Variants in TAGLN observed in about 807,000 individuals in gnomAD.
The protein encoded by TAGLN is 22 kDa actin-binding protein.
A neutral mutation model predicts 21.9 loss-of-function variants in TAGLN; 16 were observed. That is an observed-to-expected ratio of 0.73 (90% CI 0.49 to 1.11). TAGLN has a LOEUF of 1.11. TAGLN is among the 50% of genes least tolerant of loss of function. The probability of loss-of-function intolerance (pLI) is 0.00; values close to 1 mark genes in which losing one functional copy is unlikely to be tolerated. For missense variants in TAGLN, 248 were observed against 263.2 expected, an observed-to-expected ratio of 0.94 and a Z score of 0.40; for synonymous variants, 96 against 94.9, an observed-to-expected ratio of 1.01 and a Z score of -0.06.
intron 1 of TAGLN, chr11:117,202,800 AC>A: frequency 2.3e-6 from 1 of 441,038 alleles, no homozygotes; most frequent in Non-Finnish European, 4.0e-6. Context: ...ACCTCCAAAG[AC>A]CTGGTATCCT....
At chr11:117,204,056 C>T (rs2134272982) in intron 4 of TAGLN, 159 bp from the exon 5 acceptor site, 3 of 1,181,774 alleles carry the variant, frequency 2.5e-6, no homozygotes, top group African/African-American at 1.5e-5. Context: ...TTCCACCCTC[C>T]TGCGCTCAGT....
In TAGLN at chr11:117,206,482, C is replaced by T. The variant is rs2031405630; in HGVS notation, c.*2123C>T. On this transcript the variant is annotated 3_prime_UTR_variant, in exon 5 of 5. Coordinates refer to ENST00000392951, the MANE Select transcript of TAGLN (RefSeq NM_003186.5). ...GACTGCCTTTTTCACCCAAACTGTT[C>T]CCTCTGCCCCCTCCCCCGACAAGGC... 1.5e-5 allele frequency: 18 copies of T among 1,214,326 alleles called. No individual in the cohort carries two copies. The highest frequency in any genetic ancestry group is 2.0e-5 in the Non-Finnish European group (18 of 885,898). 75.2% of individuals were successfully genotyped at this position (1,214,326 alleles called of 1,614,324 possible). A position where few individuals can be genotyped will look rare whatever the true frequency, so the allele number is the denominator to read the frequency against.
chr11:117,205,397 C>T lies in TAGLN; in HGVS notation c.*1038C>T, dbSNP rs762380701. 1.0e-4 allele frequency: 24 copies of T among 233,402 alleles called. No individual in the cohort carries two copies. The highest frequency in any genetic ancestry group is 1.6e-4 in the Non-Finnish European group (19 of 118,000). 14.5% of individuals were successfully genotyped at this position (233,402 alleles called of 1,614,324 possible). A position where few individuals can be genotyped will look rare whatever the true frequency, so the allele number is the denominator to read the frequency against. On this transcript the variant is annotated 3_prime_UTR_variant, in exon 5 of 5. Coordinates refer to ENST00000392951, the MANE Select transcript of TAGLN (RefSeq NM_003186.5). Reference sequence around the variant, plus strand: ...CCTGCCGCAGGATTCCCTAGTGAAGCAGCTCAGGCCTGGGGGAGCCGTGTG... The same window carrying T: ...CCTGCCGCAGGATTCCCTAGTGAAGTAGCTCAGGCCTGGGGGAGCCGTGTG...
Position 117,203,887 on chromosome 11 carries a change from A to G in TAGLN, c.461+3A>G. Reference sequence around the variant, plus strand: ...GGAGATCCCAACTGGTTTATGAAGTATGTGGCCCCCAGGGAGCTTGGGTCT... The same window carrying G: ...GGAGATCCCAACTGGTTTATGAAGTGTGTGGCCCCCAGGGAGCTTGGGTCT... On this transcript the variant is annotated splice_donor_region_variant and intron_variant, in intron 4 of 4. Coordinates refer to ENST00000392951, the MANE Select transcript of TAGLN (RefSeq NM_003186.5). This position sits in a 1 kb window ranked among gnomAD's most constrained non-coding sequence, Gnocchi z 4.4. The G allele has an allele frequency of 1.2e-6, 2 of 1,613,118 alleles. No individual in the cohort carries two copies. The highest frequency in any genetic ancestry group is 8.5e-7 in the Non-Finnish European group (1 of 1,179,188).
At chr11:117,201,492 G>C (rs551882255) in intron 1 of TAGLN, 1 of 152,216 alleles carries the variant, frequency 6.6e-6, no homozygotes, top group Non-Finnish European at 1.5e-5. Context: ...GCCTGGCTCC[G>C]GGCAGCAAAG....
intron 1 of TAGLN, chr11:117,201,634 G>A (rs2031097947): frequency 6.6e-6 from 1 of 152,296 alleles, no homozygotes; most frequent in Non-Finnish European, 1.5e-5. Context: ...CTCCAGCCCA[G>A]AAAGCCTGTC....
At chr11:117,200,835 A>G in intron 1 of TAGLN, among the ~76,000 whole-genome samples, 1 of 152,014 alleles carries the variant, frequency 6.6e-6, no homozygotes, top group Non-Finnish European at 1.5e-5. Flanking sequence ...CTCTCCTTCC[A>G]TCCTGTTCCT....
Position 117,202,915 on chromosome 11 carries a change from C to T in TAGLN, c.-12-87C>T, listed in dbSNP as rs1023225967. The T allele has an allele frequency of 2.3e-6, 3 of 1,299,246 alleles. No individual in the cohort carries two copies. In the Admixed American group the frequency reaches 8.3e-5, roughly 36 times the overall value. 80.5% of individuals were successfully genotyped at this position (1,299,246 alleles called of 1,614,324 possible). A position where few individuals can be genotyped will look rare whatever the true frequency, so the allele number is the denominator to read the frequency against. On this transcript the variant is annotated intron_variant, in intron 1 of 4. Coordinates refer to ENST00000392951, the MANE Select transcript of TAGLN (RefSeq NM_003186.5). ...GTCTAGGATGGCCGGGTATCCTGCA[C>T]AGAGCTAGAAGGCTGCCTGGCACGG...
rs1461757018 is a variant in TAGLN at position 117,203,655 on chromosome 11, C to T, written c.359-127C>T. 2.4e-6 allele frequency: 3 copies of T among 1,258,636 alleles called. No individual in the cohort carries two copies. The highest frequency in any genetic ancestry group is 2.8e-5 in the South Asian group (2 of 72,344). The allele number at this position is 1,258,636 out of a possible 1,614,324, so 78.0% of individuals were successfully genotyped here. ...CTCACAGGGCCCACTGAGAGGCCTC[C>T]CTTGAATTGGGGACAACTCTTGGCC... On this transcript the variant is annotated intron_variant, in intron 3 of 4. Transcript: ENST00000392951. This position sits in a 1 kb window ranked among gnomAD's most constrained non-coding sequence, Gnocchi z 4.4.
intron 4 of TAGLN, 147 bp from the exon 5 acceptor site, chr11:117,204,068 T>G: frequency 1.6e-6 from 2 of 1,269,676 alleles, no homozygotes; most frequent in Non-Finnish European, 2.2e-6. Flanking sequence ...GCGCTCAGTC[T>G]CCCTAGCCTA....
Position 117,204,161 on chromosome 11 carries a change from G to A in TAGLN, c.462-54G>A, listed in dbSNP as rs540101718. On this transcript the variant is annotated intron_variant, in intron 4 of 4. Transcript: ENST00000392951. ...GGACGTAACAGAGGGATCAGAAAAC[G>A]GGTGGAAAACACACAGTTCTACCAA... 144 of 1,608,880 alleles carry A rather than the reference G, an allele frequency of 9.0e-5. 1 individual carries two copies. The highest frequency in any genetic ancestry group is 7.5e-4 in the Admixed American group (45 of 59,712).
In TAGLN at chr11:117,206,209, C is replaced by G; in HGVS notation, c.*1850C>G. 6.2e-7 allele frequency: 1 copy of G among 1,614,174 alleles called. No homozygotes were observed. ...GGCACTGATTCTAGCTCTGTCCCTT[C>G]CTCCTTGGCTTTCCGGCTCCGATGG... On this transcript the variant is annotated 3_prime_UTR_variant, in exon 5 of 5. Coordinates refer to ENST00000392951, the MANE Select transcript of TAGLN (RefSeq NM_003186.5).
chr11:117,202,030 A>G (rs2031116934), intron 1 of TAGLN: 4 of 152,316 alleles, frequency 2.6e-5, no homozygotes, highest in African/African-American at 9.7e-5. Flanking sequence ...ACCCCTCTCC[A>G]TGAGTGGGAC....
At chr11:117,200,925 G>A (rs2031067257) in intron 1 of TAGLN, among the ~76,000 whole-genome samples, 1 of 152,140 alleles carries the variant, frequency 6.6e-6, no homozygotes, top group African/African-American at 2.4e-5. Flanking sequence ...GCCAGAGACA[G>A]AAGGTGGATG....
rs373550668 is a variant in TAGLN at position 117,206,340 on chromosome 11, C to T, written c.*1981C>T. 6.2e-7 allele frequency: 1 copy of T among 1,608,866 alleles called. No individual in the cohort carries two copies. Among genetic ancestry groups the T allele is most frequent in the Non-Finnish European group, 8.5e-7 (1 of 1,176,204 alleles). The stretch of plus-strand genomic sequence containing the variant: ...AACAGTCCAGAAGACGGTGAAACAG[C>T]CTACCAGCACCAGGGTCTGGGGCCG... On this transcript the variant is annotated 3_prime_UTR_variant, in exon 5 of 5. Transcript: ENST00000392951.
chr11:117,204,206 C>T lies in TAGLN; in HGVS notation c.462-9C>T, dbSNP rs755010490. 1.8e-5 allele frequency: 29 copies of T among 1,614,096 alleles called. 3 individuals carry two copies. The Middle Eastern group carries it at 3.3e-3, about 184-fold the overall frequency. On this transcript the variant is annotated splice_polypyrimidine_tract_variant and intron_variant, in intron 4 of 4. Transcript: ENST00000392951. ...TACCAAGTCTTTATCCTGGTTCCTC[C>T]TCTTCTAGGAAAGCGCAGGAGCATA...
In TAGLN at chr11:117,203,327, C is replaced by G; in HGVS notation, c.201C>G (p.Asn67Lys). Residue 67 changes from asparagine (N) to lysine (K), a missense_variant, in exon 3 of 5, where the codon AAC (asparagine) becomes AAG (lysine). Physicochemically the swap from Asn to Lys is moderately conservative, Grantham distance 94. Coordinates refer to ENST00000392951, the MANE Select transcript of TAGLN (RefSeq NM_003186.5). The surrounding 1 kb of genome is among the most constrained non-coding windows in gnomAD (Gnocchi z 4.4). ...GGTAGATTCTGAGCAAGCTGGTGAA[C>G]AGCCTGTACCCTGATGGCTCCAAGC... ...KNGVILSKLV[N>K]SLYPDGSKPV... 6.2e-7 allele frequency: 1 copy of G among 1,614,204 alleles called. No homozygotes were observed. The highest frequency in any genetic ancestry group is 2.2e-5 in the East Asian group (1 of 44,890).
intron 1 of TAGLN, chr11:117,202,274 A>C (rs61905528): frequency 6.6e-6 from 1 of 152,286 alleles, no homozygotes; most frequent in South Asian, 2.1e-4. Flanking sequence ...CTTCTTTGCC[A>C]AGAACTCTTG....
chr11:117,204,184 C>CAA, intron 4 of TAGLN, 31 bp from the exon 5 acceptor site: 1 of 1,613,830 alleles, frequency 6.2e-7, no homozygotes. Flanking sequence ...ACAGTTCTAC[C>CAA]AAGTCTTTAT....
Sources: gnomAD v4.1 joint callset for allele counts (sites outside exome capture counted in the v4.1 genomes callset) on GRCh38, gnomAD v4.1.1 for gene constraint, Gnocchi (gnomAD v3.1) non-coding constraint, MANE v1.5 for transcripts, NCBI Gene and HGNC (gene_info 2026-07-23, HGNC 2026-07-21) for gene names.